SLC26A5: variants seen among roughly 807,000 people sequenced by gnomAD.
The protein encoded by SLC26A5 is prestin.
A neutral mutation model predicts 81.0 loss-of-function variants in SLC26A5; 51 were observed. The observed-to-expected ratio is 0.63, with a 90% confidence interval of 0.50 to 0.80. SLC26A5 has a LOEUF of 0.80. Ranked by LOEUF, SLC26A5 falls within the 30% of genes least tolerant of loss-of-function variation. SLC26A5 has a pLI of 0.00. For missense variants in SLC26A5, 771 were observed against 905.8 expected (o/e 0.85, Z 1.91); for synonymous variants, 325 against 332.8 (o/e 0.98, Z 0.25).
chr7:103,435,505 G>A (rs372445706), intron 2 of SLC26A5, among the ~76,000 whole-genome samples: 2 of 152,184 alleles, frequency 1.3e-5, no homozygotes, highest in East Asian at 1.9e-4. Flanking sequence ...GTGTACCGGA[G>A]TGGGCTTTGT....
At chr7:103,416,852 G>C (rs1407789616) in intron 4 of SLC26A5, among the ~76,000 whole-genome samples, 1 of 151,994 alleles carries the variant, frequency 6.6e-6, no homozygotes, top group Non-Finnish European at 1.5e-5. Flanking sequence ...CTTTCACTCT[G>C]ACATGCTTAA....
At chr7:103,390,055 C>G (rs1247780054) in intron 12 of SLC26A5, among the ~76,000 whole-genome samples, 1 of 152,118 alleles carries the variant, frequency 6.6e-6, no homozygotes, top group Non-Finnish European at 1.5e-5. Context: ...CTATATGGTT[C>G]CTGATCTCTA....
At chr7:103,402,321 CTTCTAGATT>C (rs955133038) in intron 8 of SLC26A5, among the ~76,000 whole-genome samples, 10 of 150,466 alleles carry the variant, frequency 6.6e-5, no homozygotes, top group African/African-American at 2.4e-4. Context: ...TTATCCATTT[CTTCTAGATT>C]TTCTAGTTAA....
At chr7:103,381,027 C>T (rs1051912216) in intron 14 of SLC26A5, among the ~76,000 whole-genome samples, 10 of 151,424 alleles carry the variant, frequency 6.6e-5, no homozygotes, top group Middle Eastern at 3.4e-3. Flanking sequence ...ACACAATGCA[C>T]ACACACCATA....
intron 2 of SLC26A5, among the ~76,000 whole-genome samples, chr7:103,427,410 A>T (rs1178182108): frequency 6.6e-6 from 1 of 151,932 alleles, no homozygotes; most frequent in African/African-American, 2.4e-5. Context: ...AATTTATCGT[A>T]ACTCCCTCAC....
At chr7:103,378,681 G>A in intron 16 of SLC26A5, 128 bp from the exon 17 acceptor site, 1 of 816,278 alleles carries the variant, frequency 1.2e-6, no homozygotes. Context: ...CCCTTGCACT[G>A]CCTTTCCCTC....
intron 9 of SLC26A5, among the ~76,000 whole-genome samples, chr7:103,396,447 G>C (rs542702453): frequency 5.4e-4 from 83 of 152,300 alleles, no homozygotes; most frequent in African/African-American, 1.9e-3. Flanking sequence ...TGGATGCATG[G>C]AGAAATAAAA....
chr7:103,372,212 G>A (rs1292634670), downstream of SLC26A5, among the ~76,000 whole-genome samples: 3 of 152,168 alleles, frequency 2.0e-5, no homozygotes, highest in Non-Finnish European at 4.4e-5. Context: ...ATTAGTTAAA[G>A]TTTTGATTAA....
At chr7:103,363,932 A>G (rs1162621529) in intron 19 of SLC26A5, among the ~76,000 whole-genome samples, 1 of 152,248 alleles carries the variant, frequency 6.6e-6, no homozygotes, top group Non-Finnish European at 1.5e-5. Flanking sequence ...ATGTATTGAT[A>G]GAAGTCCAGT....
intron 2 of SLC26A5, among the ~76,000 whole-genome samples, chr7:103,429,218 T>A (rs1825898024): frequency 6.6e-6 from 1 of 152,234 alleles, no homozygotes; most frequent in Admixed American, 6.5e-5. Flanking sequence ...AATTGTATTT[T>A]TCTCTGTGAA....
Position 103,364,958 on chromosome 7 carries a change from C to CATATATATATATATATATAT in SLC26A5, c.2041+11830_2041+11849dup, listed in dbSNP as rs59914167. Reference sequence around the variant, plus strand: ...GGTTGTTTTTATGTTTGTAGACATACATATATATATATATATATATATATA... The same window carrying CATATATATATATATATATAT: ...GGTTGTTTTTATGTTTGTAGACATACATATATATATATATATATATATATATATATATATATATATATATA... On this transcript the variant is annotated intron_variant, in intron 19 of 19. Coordinates refer to the SLC26A5 transcript ENST00000339444. Among the ~76,000 whole-genome samples the CATATATATATATATATATAT allele has an allele frequency of 7.3e-3, 908 of 125,230 alleles. 10 individuals carry two copies. Among genetic ancestry groups the CATATATATATATATATATAT allele is most frequent in the Admixed American group, 0.02 (244 of 11,950 alleles). The allele number at this position is 125,230 out of a possible 152,430, so 82.2% of individuals were successfully genotyped here. A position where few individuals can be genotyped will look rare whatever the true frequency, so the allele number is the denominator to read the frequency against.
rs775099986 is a variant in SLC26A5 at position 103,398,032 on chromosome 7, C to G, written c.889-18G>C. On this transcript the variant is annotated intron_variant, in intron 8 of 19. Transcript: ENST00000306312. ...ATTACGACCTAAAAAGACACAAATC[C>G]AAATGCACCTTTAGAGATGAATGTT... 7 of 1,597,712 alleles carry G rather than the reference C, an allele frequency of 4.4e-6. No individual in the cohort carries two copies. Among genetic ancestry groups the G allele is most frequent in the Non-Finnish European group, 5.1e-6 (6 of 1,165,360 alleles).
chr7:103,395,243 T>C (rs1213685023), intron 9 of SLC26A5, among the ~76,000 whole-genome samples: 1 of 151,870 alleles, frequency 6.6e-6, no homozygotes, highest in Non-Finnish European at 1.5e-5. Context: ...TATGATTGTA[T>C]GTAGATAGGT....
chr7:103,378,634 C>G, intron 16 of SLC26A5, 81 bp from the exon 17 acceptor site: 1 of 1,214,274 alleles, frequency 8.2e-7, no homozygotes, highest in Non-Finnish European at 1.2e-6. Flanking sequence ...TCAAATCTCC[C>G]CATTTAACTG....
chr7:103,363,511 C>A, intron 19 of SLC26A5: 1 of 1,328,788 alleles, frequency 7.5e-7, no homozygotes, highest in Non-Finnish European at 1.1e-6. Flanking sequence ...ACTAAAATTG[C>A]TTGTATATTA....
At chr7:103,391,104 C>G (rs1315478663) in intron 11 of SLC26A5, among the ~76,000 whole-genome samples, 1 of 152,202 alleles carries the variant, frequency 6.6e-6, no homozygotes, top group Admixed American at 6.5e-5. Context: ...ACCTCATGAT[C>G]TGCCCGCCTT....
chr7:103,396,566 C>G (rs1215254894), intron 9 of SLC26A5, among the ~76,000 whole-genome samples: 2 of 152,096 alleles, frequency 1.3e-5, no homozygotes, highest in Non-Finnish European at 2.9e-5. Context: ...AAGTGAAATA[C>G]GCCAGTCACG....
chr7:103,417,064 C>T (rs1319200001), intron 4 of SLC26A5, among the ~76,000 whole-genome samples: 1 of 151,986 alleles, frequency 6.6e-6, no homozygotes, highest in Non-Finnish European at 1.5e-5. Flanking sequence ...CTGAATTATT[C>T]CCTGATTTGA....
At chr7:103,413,262 T>C (rs1278564669) in intron 4 of SLC26A5, 150 bp from the exon 5 acceptor site, 12 of 678,258 alleles carry the variant, frequency 1.8e-5, no homozygotes, top group East Asian at 2.7e-5. Context: ...CTGCACATCA[T>C]CTTACCTTGG....
Sources: allele counts gnomAD v4.1 joint callset (sites outside exome capture counted in the v4.1 genomes callset), GRCh38; gene constraint gnomAD v4.1.1; transcripts MANE v1.5; gene names NCBI Gene and HGNC (gene_info 2026-07-23, HGNC 2026-07-21).